VCAN: variants seen among roughly 807,000 people sequenced by gnomAD.
VCAN encodes versican core protein.
A neutral mutation model predicts 245.5 loss-of-function variants in VCAN; 44 were observed. That is an observed-to-expected ratio of 0.18 (90% CI 0.14 to 0.23). The LOEUF is 0.23. VCAN is among the 10% of genes least tolerant of loss of function. VCAN has a pLI of 1.00. For missense variants in VCAN, 3,793 were observed against 4,057.9 expected (o/e 0.93, Z 1.77); for synonymous variants, 1,413 against 1,437.0 (o/e 0.98, Z 0.38).
chr5:83,527,650 G>A (rs181801983), intron 7 of VCAN, among the ~76,000 whole-genome samples: 48 of 152,154 alleles, frequency 3.2e-4, no homozygotes, highest in Middle Eastern at 3.4e-3. Flanking sequence ...TTTTGTATAC[G>A]TAATACATAG....
rs1748640835 is a variant in VCAN at position 83,580,592 on chromosome 5, A to G, written c.*158A>G. On this transcript the variant is annotated 3_prime_UTR_variant, in exon 15 of 15. Coordinates refer to ENST00000265077, the MANE Select transcript of VCAN (RefSeq NM_004385.5). ...CCGTGCTCCCAAAACATTTTAAATGAAAGTATTGGCATTCAAAAAGACAGC... is the reference window on the plus strand; with the variant it reads ...CCGTGCTCCCAAAACATTTTAAATGGAAGTATTGGCATTCAAAAAGACAGC... 12 of 1,066,768 alleles carry G rather than the reference A, an allele frequency of 1.1e-5. No individual in the cohort carries two copies. In the South Asian group the frequency reaches 1.5e-4, roughly 13 times the overall value. The allele number at this position is 1,066,768 out of a possible 1,614,324, so 66.1% of individuals were successfully genotyped here.
rs1242023577 is a variant in VCAN, at chr5:83,541,912, G to A, written c.8909G>A (p.Gly2970Asp). Residue 2970 changes from glycine to aspartate, a missense_variant, in exon 8 of 15, where the codon GGT becomes GAT. Gly to Asp is a moderately conservative substitution (Grantham distance 94). This residue lies in a region of VCAN where 3,182 missense variants were observed against 3,250.3 expected (regional missense o/e 0.98). Transcript: ENST00000265077. ...ACTGCCGATGAAATTGAATTAGAAG[G>A]TGCTACACAGTGGCCACACTCTACT... ...ITTADEIELE[G>D]ATQWPHSTSA... 15 of 1,613,938 alleles carry A rather than the reference G, an allele frequency of 9.3e-6. No homozygotes were observed. Among genetic ancestry groups the A allele is most frequent in the Non-Finnish European group, 1.1e-5 (13 of 1,179,986 alleles).
intron 6 of VCAN, among the ~76,000 whole-genome samples, chr5:83,514,197 A>T (rs552546505): frequency 7.9e-5 from 12 of 152,280 alleles, no homozygotes; most frequent in Admixed American, 5.2e-4. Context: ...ATTCATTTAC[A>T]TGTATGTAAC....
At chr5:83,474,278 G>T (rs1217087945) in intron 1 of VCAN, among the ~76,000 whole-genome samples, 2 of 152,148 alleles carry the variant, frequency 1.3e-5, no homozygotes, top group Non-Finnish European at 2.9e-5. Context: ...TGGAGGGGAG[G>T]AAAAGGAGAA....
In VCAN at chr5:83,512,313, T is replaced by G. The variant is rs759677939; in HGVS notation, c.959T>G (p.Leu320Arg). The change falls in exon 6 of 15, where the codon CTT becomes CGT. Residue 320 changes from leucine to arginine, a missense_variant. By Grantham distance (102) the Leu-to-Arg change is moderately radical. Around this residue, in one of 5 missense-constraint regions of VCAN, gnomAD observed 190 missense variants for 288.6 expected, o/e 0.66. Transcript: ENST00000265077. ...VARAQCGGGL[L>R]GVRTLYRFEN... ...AGGGCCCAGTGTGGAGGTGGTCTAC[T>G]TGGGGTGAGAACCCTGTATCGTTTT... The G allele has an allele frequency of 3.7e-6, 6 of 1,613,744 alleles. No homozygotes were observed. The Admixed American group carries it at 1.0e-4, about 27-fold the overall frequency.
Position 83,520,257 on chromosome 5 carries a change from A to G in VCAN, c.1951A>G (p.Thr651Ala). 5 of 1,614,036 alleles carry G rather than the reference A, an allele frequency of 3.1e-6. No homozygotes were observed. Among genetic ancestry groups the G allele is most frequent in the Non-Finnish European group, 4.2e-6 (5 of 1,179,952 alleles). ...STTPFPSQHRTEIELFPYSGD... is the reference protein window; with the variant it reads ...STTPFPSQHRAEIELFPYSGD... ...TACACCTTTTCCATCACAGCATCGT[A>G]CAGAAATAGAATTGTTTCCTTATTC... is the stretch of plus-strand genomic sequence containing the variant. Residue 651 changes from threonine to alanine, a missense_variant, in exon 7 of 15, where the codon ACA becomes GCA. By Grantham distance (58) the Thr-to-Ala change is moderately conservative (BLOSUM62 0). This residue lies in a region of VCAN where 3,182 missense variants were observed against 3,250.3 expected (regional missense o/e 0.98). Coordinates refer to ENST00000265077, the MANE Select transcript of VCAN (RefSeq NM_004385.5).
Position 83,537,465 on chromosome 5 carries a change from G to A in VCAN, c.4462G>A (p.Glu1488Lys). The A allele has an allele frequency of 1.2e-6, 2 of 1,613,920 alleles. No individual in the cohort carries two copies. Among genetic ancestry groups the A allele is most frequent in the East Asian group, 4.5e-5 (2 of 44,852 alleles). ...EVTWKPETYP[E>K]TSEHFSGGEP... ...TACATGGAAGCCTGAGACTTACCCT[G>A]AAACATCAGAACATTTTTCAGGTGG... The change falls in exon 8 of 15, where the codon GAA (glutamate) becomes AAA (lysine). Residue 1488 changes from glutamate to lysine, a missense_variant. Transcript: ENST00000265077.
intron 13 of VCAN, among the ~76,000 whole-genome samples, chr5:83,575,108 C>A (rs1748425212): frequency 6.6e-6 from 1 of 151,950 alleles, no homozygotes; most frequent in South Asian, 2.1e-4. Flanking sequence ...TCTTTGAATA[C>A]AAAAATAATA....
intron 10 of VCAN, among the ~76,000 whole-genome samples, chr5:83,549,355 A>T (rs1011312651): frequency 6.6e-6 from 1 of 152,180 alleles, no homozygotes; most frequent in African/African-American, 2.4e-5. Context: ...AGACTATCAA[A>T]TGCATCCTGG....
Position 83,520,180 on chromosome 5 carries a change from G to C in VCAN, c.1874G>C (p.Arg625Thr). Reference protein sequence around the residue: ...NGSSMDDWEERQTSGRITEEF... With the variant: ...NGSSMDDWEETQTSGRITEEF... Reference sequence around the variant, plus strand: ...TCATCCATGGATGACTGGGAAGAGAGACAAACTAGTGGTAGGATAACGGAA... The same window carrying C: ...TCATCCATGGATGACTGGGAAGAGACACAAACTAGTGGTAGGATAACGGAA... Residue 625 changes from arginine to threonine, a missense_variant, in exon 7 of 15, where the codon AGA (arginine) becomes ACA (threonine). By Grantham distance (71) the Arg-to-Thr change is moderately conservative. Coordinates refer to ENST00000265077, the MANE Select transcript of VCAN (RefSeq NM_004385.5). 6.2e-7 allele frequency: 1 copy of C among 1,614,028 alleles called. No homozygotes were observed. Among genetic ancestry groups the C allele is most frequent in the Non-Finnish European group, 8.5e-7 (1 of 1,179,966 alleles).
chr5:83,553,724 T>C (rs1485035165), intron 11 of VCAN, among the ~76,000 whole-genome samples: 1 of 152,216 alleles, frequency 6.6e-6, no homozygotes, highest in Non-Finnish European at 1.5e-5. Flanking sequence ...TAGGTAGGCA[T>C]TGGTTTGTCT....
intron 1 of VCAN, among the ~76,000 whole-genome samples, chr5:83,476,015 A>T (rs1401500740): frequency 1.3e-5 from 2 of 152,230 alleles, no homozygotes; most frequent in Non-Finnish European, 1.5e-5. Flanking sequence ...GATGCCTTTG[A>T]TATTCCAGAA....
rs113965318 is a variant in VCAN at position 83,538,158 on chromosome 5, A to T, written c.5155A>T (p.Thr1719Ser). The T allele has an allele frequency of 2.3e-3, 3,756 of 1,613,918 alleles. 88 individuals carry two copies. In the African/African-American group the frequency reaches 0.044, roughly 19 times the overall value. The change falls in exon 8 of 15, where the codon ACT becomes TCT. Residue 1719 changes from threonine (T) to serine (S), a missense_variant. Around this residue, in one of 5 missense-constraint regions of VCAN, gnomAD observed 3,182 missense variants for 3,250.3 expected, o/e 0.98. Transcript: ENST00000265077. ...TDTSEWISST[T>S]VEEKKRKEEE... ...CACTTCTGAGTGGATTTCCAGTACC[A>T]CTGTTGAGGAAAAGAAAAGGAAGGA...
intron 7 of VCAN, among the ~76,000 whole-genome samples, chr5:83,532,397 T>C (rs1746557072): frequency 6.6e-6 from 1 of 152,012 alleles, no homozygotes; most frequent in Non-Finnish European, 1.5e-5. Context: ...ATATTAATAG[T>C]AGATAGGTTT....
chr5:83,562,939 G>A (rs954734741), intron 12 of VCAN, among the ~76,000 whole-genome samples: 2 of 152,170 alleles, frequency 1.3e-5, no homozygotes, highest in African/African-American at 2.4e-5. Context: ...CACAAGATTA[G>A]TGCTGTTCTC....
Position 83,471,831 on chromosome 5 carries a change from T to C in VCAN, c.-199T>C, listed in dbSNP as rs1399760475. 1 of 398,296 alleles carries C rather than the reference T, an allele frequency of 2.5e-6. No homozygotes were observed. The highest frequency in any genetic ancestry group is 4.4e-6 in the Non-Finnish European group (1 of 226,038). The allele number at this position is 398,296 out of a possible 1,614,324, so 24.7% of individuals were successfully genotyped here. On this transcript the variant is annotated 5_prime_UTR_variant, in exon 1 of 15. Coordinates refer to ENST00000265077, the MANE Select transcript of VCAN (RefSeq NM_004385.5). The stretch of plus-strand genomic sequence containing the variant: ...CGCAACAGCCGAGAACATTAGGTGT[T>C]GTGGACAGGAGCTGGGACCAAGATC...
intron 8 of VCAN, chr5:83,544,900 T>C (rs909806303): frequency 6.6e-6 from 1 of 152,216 alleles, no homozygotes; most frequent in African/African-American, 2.4e-5. Context: ...AGGTGAGGTT[T>C]TTGTATTTGG....
At chr5:83,500,511 G>A (rs1176656813) in intron 5 of VCAN, among the ~76,000 whole-genome samples, 2 of 152,156 alleles carry the variant, frequency 1.3e-5, no homozygotes, top group Non-Finnish European at 2.9e-5. Flanking sequence ...AATGAGGAAG[G>A]AAAACATCTA....
rs1238521660 is a variant in VCAN, at chr5:83,538,989, A to T, written c.5986A>T (p.Thr1996Ser). The change falls in exon 8 of 15, where the codon ACT (threonine) becomes TCT (serine). Residue 1996 changes from threonine (T) to serine (S), a missense_variant. Physicochemically the swap from Thr to Ser is moderately conservative, Grantham distance 58. Transcript: ENST00000265077. ...SEGPSSTMVSTSAFPWEEFTS... is the reference protein window; with the variant it reads ...SEGPSSTMVSSSAFPWEEFTS... ...AGGACCCAGTAGCACCATGGTCAGC[A>T]CTTCAGCCTTCCCCTGGGAAGAGTT... The T allele has an allele frequency of 4.3e-6, 7 of 1,613,898 alleles. No individual in the cohort carries two copies. The highest frequency in any genetic ancestry group is 5.9e-6 in the Non-Finnish European group (7 of 1,179,972).
Sources: gnomAD v4.1 joint callset for allele counts (sites outside exome capture counted in the v4.1 genomes callset) on GRCh38, gnomAD v4.1.1 for gene constraint, gnomAD v4.1.1 regional missense constraint, MANE v1.5 for transcripts, NCBI Gene and HGNC (gene_info 2026-07-23, HGNC 2026-07-21) for gene names.